TRIM26: variants seen among roughly 807,000 people sequenced by gnomAD.
TRIM26 encodes tripartite motif-containing protein 26.
TRIM26 carries 16 observed loss-of-function variants against 45.5 expected under a neutral mutation model. The observed-to-expected ratio is 0.35, with a 90% confidence interval of 0.24 to 0.53. The LOEUF (loss-of-function observed/expected upper bound fraction) is 0.53. TRIM26 is among the 20% of genes least tolerant of loss of function. The probability of loss-of-function intolerance (pLI) is 0.92; values close to 1 mark genes in which losing one functional copy is unlikely to be tolerated. For missense variants in TRIM26, 442 were observed against 691.1 expected (o/e 0.64, Z 4.04); for synonymous variants, 273 against 290.4 (o/e 0.94, Z 0.61).
At position 30,213,397 on chromosome 6, in the gene TRIM26, G is replaced by C. The variant is rs1453069062; in HGVS notation, c.-468C>G. The C allele has an allele frequency of 6.6e-6, 1 of 152,282 alleles. No homozygotes were observed. Among genetic ancestry groups the C allele is most frequent in the Non-Finnish European group, 1.5e-5 (1 of 68,074 alleles). The allele number at this position is 152,282 out of a possible 1,614,324, so 9.4% of individuals were successfully genotyped here. ...TCCCGCTCCTGCACGAGCAACCAGC[G>C]CGACAGCTCGTCCCCGCCCCGTAAT... On this transcript the variant is annotated 5_prime_UTR_variant, in exon 1 of 10. Coordinates refer to ENST00000454678, the MANE Select transcript of TRIM26 (RefSeq NM_003449.5).
chr6:30,185,881 G>A lies in TRIM26; in HGVS notation c.1615C>T (p.Pro539Ser). 6.2e-7 allele frequency: 1 copy of A among 1,611,202 alleles called. No homozygotes were observed. Among genetic ancestry groups the A allele is most frequent in the South Asian group, 1.1e-5 (1 of 90,834 alleles). The change falls in exon 10 of 10, where the codon CCC becomes TCC. Residue 539 changes from proline (P) to serine (S), a missense_variant. Transcript: ENST00000454678. This position sits in a 1 kb window ranked among gnomAD's most constrained non-coding sequence, Gnocchi z 5.7. ...KWPGTRLLLR[P>S] Reference sequence around the variant, plus strand: ...CTGGGGGCAGATGTCAGGGCTCAGGGTCTTAGCAGGAGGCGTGTTCCTGGC... The same window carrying A: ...CTGGGGGCAGATGTCAGGGCTCAGGATCTTAGCAGGAGGCGTGTTCCTGGC...
chr6:30,198,559 C>T lies in TRIM26; in HGVS notation c.439-35G>A, dbSNP rs772815358. 13 of 1,612,346 alleles carry T rather than the reference C, an allele frequency of 8.1e-6. No homozygotes were observed. The South Asian group carries it at 1.3e-4, about 16-fold the overall frequency. ...AACAAGCAGTGGCAACAGGTGGATG[C>T]TCTGGGCTGGGGCAGGAAGGGAGAC... is the stretch of plus-strand genomic sequence containing the variant. On this transcript the variant is annotated intron_variant, in intron 4 of 9. Coordinates refer to ENST00000454678, the MANE Select transcript of TRIM26 (RefSeq NM_003449.5). This position sits in a 1 kb window ranked among gnomAD's most constrained non-coding sequence, Gnocchi z 6.3.
At position 30,189,754 on chromosome 6, in the gene TRIM26, C is replaced by T; in HGVS notation, c.789-221G>A. 3.2e-6 allele frequency: 2 copies of T among 632,852 alleles called. No individual in the cohort carries two copies. The highest frequency in any genetic ancestry group is 3.7e-5 in the African/African-American group (2 of 54,578). 39.2% of individuals were successfully genotyped at this position (632,852 alleles called of 1,614,324 possible). ...GCGCTCTGTCTACTAAGCCATGTTT[C>T]TAACCTCTCTGCTCTGTCCCACCTC... On this transcript the variant is annotated intron_variant, in intron 7 of 9. Transcript: ENST00000454678. This position sits in a 1 kb window ranked among gnomAD's most constrained non-coding sequence, Gnocchi z 5.0.
At chr6:30,197,235 A>T (rs1776582386) in intron 5 of TRIM26, among the ~76,000 whole-genome samples, 1 of 152,126 alleles carries the variant, frequency 6.6e-6, no homozygotes, top group Non-Finnish European at 1.5e-5. Context: ...CTGTTTCCTC[A>T]GCAAAATTGT....
intron 6 of TRIM26, among the ~76,000 whole-genome samples, chr6:30,194,204 T>C (rs893995108): frequency 1.3e-5 from 2 of 151,796 alleles, no homozygotes; most frequent in Non-Finnish European, 2.9e-5. Flanking sequence ...CATCAACAGA[T>C]AGATAAAGAA....
rs1449963755 is a variant in TRIM26 at position 30,207,572 on chromosome 6, C to T, written c.-375-2807G>A. On this transcript the variant is annotated intron_variant, in intron 1 of 9. Transcript: ENST00000454678. This position sits in a 1 kb window ranked among gnomAD's most constrained non-coding sequence, Gnocchi z 4.9. ...GCCCGGGTGACCAACCAGGTTAAAC[C>T]CCTCAATGGCTTTCTGGTGCTCCAG... Among the ~76,000 whole-genome samples the T allele has an allele frequency of 6.6e-6, 1 of 152,148 alleles. No individual in the cohort carries two copies. The highest frequency in any genetic ancestry group is 1.5e-5 in the Non-Finnish European group (1 of 68,028).
At chr6:30,193,182 A>ATATATTTTTT (rs9280916) in intron 6 of TRIM26, among the ~76,000 whole-genome samples, 1 of 38,820 alleles carries the variant, frequency 2.6e-5, no homozygotes, top group Admixed American at 3.9e-4. Context: ...ATATATATAT[A>ATATATTTTTT]TTTTTTTTTT....
At chr6:30,205,606 G>C (rs759915326) in intron 1 of TRIM26, among the ~76,000 whole-genome samples, 5 of 152,222 alleles carry the variant, frequency 3.3e-5, no homozygotes, top group Admixed American at 6.5e-5. Flanking sequence ...GGGAGGCTAA[G>C]GCAGGAGGAC....
rs973330015 is a variant in TRIM26 at position 30,189,284 on chromosome 6, A to G, written c.905-85T>C. On this transcript the variant is annotated intron_variant, in intron 8 of 9. Coordinates refer to ENST00000454678, the MANE Select transcript of TRIM26 (RefSeq NM_003449.5). The surrounding 1 kb of genome is among the most constrained non-coding windows in gnomAD (Gnocchi z 5.0). ...GCTCGGGCAGTATCAATTTCCTGAT[A>G]GGGATCCATGTCTAAGACAAGAGGC... 1 of 1,594,226 alleles carries G rather than the reference A, an allele frequency of 6.3e-7. No homozygotes were observed. The highest frequency in any genetic ancestry group is 1.1e-5 in the South Asian group (1 of 90,690).
At position 30,196,069 on chromosome 6, in the gene TRIM26, GT is replaced by G. The variant is rs576627133; in HGVS notation, c.765+446del. 5.7e-4 allele frequency among the ~76,000 whole-genome samples: 87 copies of G among 152,262 alleles called. No homozygotes were observed. Among genetic ancestry groups the G allele is most frequent in the African/African-American group, 2.0e-3 (84 of 41,554 alleles). ...TGGCCATCTCTGTCTCCCTTCCCCA[GT>G]TACCCTATCTCTTCCAGATCCTCTG... On this transcript the variant is annotated intron_variant, in intron 6 of 9. Coordinates refer to ENST00000454678, the MANE Select transcript of TRIM26 (RefSeq NM_003449.5). The surrounding 1 kb of genome is among the most constrained non-coding windows in gnomAD (Gnocchi z 4.9).
intron 5 of TRIM26, among the ~76,000 whole-genome samples, chr6:30,197,667 TA>T (rs1454368757): frequency 1.3e-5 from 2 of 152,172 alleles, no homozygotes; most frequent in African/African-American, 4.8e-5. Context: ...AGTTCTTATG[TA>T]AAATGGAATA....
intron 1 of TRIM26, among the ~76,000 whole-genome samples, chr6:30,206,828 A>G (rs1777776053): frequency 6.6e-6 from 1 of 152,256 alleles, no homozygotes; most frequent in Non-Finnish European, 1.5e-5. Context: ...ACTGTGAATC[A>G]CTAGAACCCC....
chr6:30,201,484 G>A (rs909737520), intron 2 of TRIM26, among the ~76,000 whole-genome samples: 1 of 152,134 alleles, frequency 6.6e-6, no homozygotes, highest in African/African-American at 2.4e-5. Context: ...TCAAATGAAG[G>A]ATTCAAGGAA....
chr6:30,187,193 C>G (rs1775280178), intron 9 of TRIM26: 1 of 277,132 alleles, frequency 3.6e-6, no homozygotes, highest in Non-Finnish European at 7.3e-6. Context: ...GTCTCTGCCA[C>G]AGCTTGCATC....
chr6:30,203,519 G>A (rs1377457126), intron 2 of TRIM26, among the ~76,000 whole-genome samples: 1 of 152,110 alleles, frequency 6.6e-6, no homozygotes, highest in African/African-American at 2.4e-5. Context: ...AGGTTCAAGC[G>A]ATTCTCCTGC....
chr6:30,205,165 C>A (rs1417188957), intron 1 of TRIM26, among the ~76,000 whole-genome samples: 1 of 152,132 alleles, frequency 6.6e-6, no homozygotes, highest in African/African-American at 2.4e-5. Context: ...CGCTTGAACC[C>A]AGGAGGCGGA....
intron 2 of TRIM26, among the ~76,000 whole-genome samples, chr6:30,203,319 A>G (rs1489677046): frequency 2.0e-5 from 3 of 152,010 alleles, no homozygotes; most frequent in Non-Finnish European, 4.4e-5. Context: ...TGCTGGGATT[A>G]TAGGCATGAG....
Position 30,209,979 on chromosome 6 carries a change from G to T in TRIM26, c.-376+3326C>A, listed in dbSNP as rs1778112051. On this transcript the variant is annotated intron_variant, in intron 1 of 9. Transcript: ENST00000454678. The surrounding 1 kb of genome is among the most constrained non-coding windows in gnomAD (Gnocchi z 4.8). ...CCCAGCACTTTGGGAGGCCGAGGTG[G>T]GCAGATCATGAGGTCAAGAGATCGA... Among the ~76,000 whole-genome samples the T allele has an allele frequency of 6.6e-6, 1 of 152,050 alleles. No homozygotes were observed.
At chr6:30,204,925 G>A (rs1266736216) in intron 1 of TRIM26, among the ~76,000 whole-genome samples, 160 bp from the exon 2 acceptor site, 1 of 152,042 alleles carries the variant, frequency 6.6e-6, no homozygotes, top group African/African-American at 2.4e-5. Flanking sequence ...TGGGGGTGAG[G>A]GGGTATTTTT....
Sources: allele counts gnomAD v4.1 joint callset (sites outside exome capture counted in the v4.1 genomes callset), GRCh38; gene constraint gnomAD v4.1.1; non-coding constraint Gnocchi (gnomAD v3.1); transcripts MANE v1.5; gene names NCBI Gene and HGNC (gene_info 2026-07-23, HGNC 2026-07-21).